WARS2: variants seen among roughly 807,000 people sequenced by gnomAD.
WARS2 encodes the protein tryptophanyl tRNA synthetase 2, mitochondrial.
Under a neutral mutation model 36.5 loss-of-function variants are expected in WARS2, and 28 were observed. That is an observed-to-expected ratio of 0.77 (90% CI 0.57 to 1.05). The LOEUF is 1.05. Among genes scored for constraint, WARS2 ranks in the 50% least tolerant of loss-of-function variants. The pLI is 0.00. For missense variants in WARS2, 435 were observed against 456.8 expected (o/e 0.95, Z 0.44); for synonymous variants, 174 against 178.4 (o/e 0.98, Z 0.20).
intron 2 of WARS2, among the ~76,000 whole-genome samples, chr1:119,074,185 G>A (rs1462176825): frequency 6.6e-6 from 1 of 152,186 alleles, no homozygotes; most frequent in Non-Finnish European, 1.5e-5. Context: ...CTCCAACATT[G>A]GCAATGGATG....
At chr1:119,045,147 G>A (rs1273682955) in intron 3 of WARS2, among the ~76,000 whole-genome samples, 1 of 152,190 alleles carries the variant, frequency 6.6e-6, no homozygotes, top group East Asian at 1.9e-4. Flanking sequence ...AGTTTGAACT[G>A]TTGCCTGGAC....
At chr1:119,088,373 T>C (rs1159416663) in intron 1 of WARS2, among the ~76,000 whole-genome samples, 1 of 151,760 alleles carries the variant, frequency 6.6e-6, no homozygotes, top group East Asian at 1.9e-4. Flanking sequence ...GAGAAACCAC[T>C]GTTCTAAGCC....
chr1:119,126,194 C>T (rs900916230), intron 1 of WARS2, among the ~76,000 whole-genome samples: 15 of 148,522 alleles, frequency 1.0e-4, no homozygotes, highest in African/African-American at 3.7e-4. Context: ...ATAGCCAAGA[C>T]AAAAACTCCA....
chr1:119,129,659 G>A (rs1354931001), intron 1 of WARS2, among the ~76,000 whole-genome samples: 2 of 152,022 alleles, frequency 1.3e-5, no homozygotes, highest in Non-Finnish European at 2.9e-5. Context: ...AGGCTGCAGT[G>A]AGCTATGACT....
At chr1:119,091,890 G>A (rs896204358) in intron 1 of WARS2, among the ~76,000 whole-genome samples, 3 of 152,194 alleles carry the variant, frequency 2.0e-5, no homozygotes, top group Non-Finnish European at 1.5e-5. Context: ...ACAGCACAGT[G>A]TCTGCCTGGC....
chr1:119,135,263 C>A (rs1030547576), intron 1 of WARS2, among the ~76,000 whole-genome samples: 1 of 152,100 alleles, frequency 6.6e-6, no homozygotes, highest in Non-Finnish European at 1.5e-5. Context: ...TTAAGAAATC[C>A]AAAATTGTGT....
chr1:119,079,109 G>T (rs1225307242), intron 1 of WARS2, among the ~76,000 whole-genome samples: 1 of 151,932 alleles, frequency 6.6e-6, no homozygotes, highest in Non-Finnish European at 1.5e-5. Flanking sequence ...ATGAATATCT[G>T]ATTATTCTAG....
At chr1:119,041,399 C>T (rs569393909) in intron 4 of WARS2, among the ~76,000 whole-genome samples, 14 of 152,072 alleles carry the variant, frequency 9.2e-5, no homozygotes, top group South Asian at 2.1e-4. Flanking sequence ...AGTAGTACAG[C>T]GAGTGCAGGG....
At chr1:119,113,651 C>A (rs898249771) in intron 1 of WARS2, among the ~76,000 whole-genome samples, 11 of 152,212 alleles carry the variant, frequency 7.2e-5, no homozygotes, top group African/African-American at 2.6e-4. Context: ...TGAGGCCAGG[C>A]ACTGTTTTAT....
intron 1 of WARS2, among the ~76,000 whole-genome samples, chr1:119,086,134 A>G (rs141674575): frequency 6.6e-6 from 1 of 152,328 alleles, no homozygotes; most frequent in African/African-American, 2.4e-5. Context: ...TTCTGGGATG[A>G]CAGGTGTGAG....
chr1:119,116,124 G>A (rs1343880620), intron 1 of WARS2, among the ~76,000 whole-genome samples: 1 of 152,106 alleles, frequency 6.6e-6, no homozygotes, highest in African/African-American at 2.4e-5. Context: ...TTTACTTATT[G>A]AAGATTTGAC....
chr1:119,110,679 C>T (rs1342150948), intron 1 of WARS2, among the ~76,000 whole-genome samples: 1 of 151,926 alleles, frequency 6.6e-6, no homozygotes, highest in Non-Finnish European at 1.5e-5. Flanking sequence ...TCTGTGTTTG[C>T]TGTCTAACAT....
At chr1:119,082,408 C>T (rs1652267504) in intron 1 of WARS2, 1 of 985,362 alleles carries the variant, frequency 1.0e-6, no homozygotes, top group African/African-American at 1.7e-5. Context: ...ATTTAGCTAT[C>T]AGAAACATGC....
At chr1:119,100,700 A>T (rs1454039376) in intron 1 of WARS2, among the ~76,000 whole-genome samples, 1 of 152,276 alleles carries the variant, frequency 6.6e-6, no homozygotes, top group East Asian at 1.9e-4. Flanking sequence ...TCACTCTGTC[A>T]CCCAGGCTGG....
Position 119,076,500 on chromosome 1 carries a change from A to G in WARS2, c.198T>C (p.Tyr66=). The G allele has an allele frequency of 6.2e-7, 1 of 1,614,184 alleles. No homozygotes were observed. The highest frequency in any genetic ancestry group is 8.5e-7 in the Non-Finnish European group (1 of 1,180,026). ...IESWVRLQDE[Y]DSVLYSIVDL... The stretch of plus-strand genomic sequence containing the variant: ...CAACAATGCTGTATAATACAGAGTC[A>G]TATTCATCCTGTAACCTCACCCAGC... The change falls in exon 2 of 6, where the codon TAT becomes TAC. Residue 66 remains tyrosine, a synonymous_variant. Transcript: ENST00000235521.
At chr1:119,111,697 T>C (rs1389846423) in intron 1 of WARS2, among the ~76,000 whole-genome samples, 1 of 152,136 alleles carries the variant, frequency 6.6e-6, no homozygotes, top group Non-Finnish European at 1.5e-5. Flanking sequence ...TTTTCAGCTG[T>C]CAGAGTTTTC....
intron 2 of WARS2, among the ~76,000 whole-genome samples, chr1:119,058,946 T>C (rs1047831496): frequency 6.6e-6 from 1 of 151,940 alleles, no homozygotes; most frequent in African/African-American, 2.4e-5. Context: ...GTGTTCCTAT[T>C]TCTCCACATC....
rs1354374946 is a variant in WARS2, at chr1:119,089,136, T to C, written c.91-12529A>G. On this transcript the variant is annotated intron_variant, in intron 1 of 5. Transcript: ENST00000235521. ...TGAATTTCTTACAAAGTACTCACAA[T>C]CCAAACAGGAAAACACATTTCTAAA... Among the ~76,000 whole-genome samples, 4 of 152,188 alleles carry C rather than the reference T, an allele frequency of 2.6e-5. No homozygotes were observed. The East Asian group carries it at 5.8e-4, about 22-fold the overall frequency.
At chr1:119,052,382 A>T (rs1649440715) in intron 2 of WARS2, among the ~76,000 whole-genome samples, 1 of 152,226 alleles carries the variant, frequency 6.6e-6, no homozygotes, top group African/African-American at 2.4e-5. Flanking sequence ...CTAGCAATTT[A>T]TGCTGAGTTG....
Sources: allele counts gnomAD v4.1 joint callset (sites outside exome capture counted in the v4.1 genomes callset), GRCh38; gene constraint gnomAD v4.1.1; transcripts MANE v1.5; gene names NCBI Gene and HGNC (gene_info 2026-07-23, HGNC 2026-07-21).